PCID2: variants seen among roughly 807,000 people sequenced by gnomAD.
PCID2 encodes PCI domain-containing protein 2.
PCID2 carries 41 observed loss-of-function variants against 61.3 expected under a neutral mutation model. The observed-to-expected ratio is 0.67, with a 90% CI of 0.52 to 0.87. The LOEUF is 0.87. PCID2 is among the 40% of genes least tolerant of loss of function. PCID2 has a pLI of 0.00. For missense variants in PCID2, 392 were observed against 493.4 expected, an observed-to-expected ratio of 0.79 and a Z score of 1.95; for synonymous variants, 187 against 177.8, an observed-to-expected ratio of 1.05 and a Z score of -0.41.
chr13:113,207,978 G>A (rs762113303), intron 1 of PCID2: 1 of 1,523,570 alleles, frequency 6.6e-7, no homozygotes. Flanking sequence ...AATATGCGTT[G>A]AATCTTTACA....
intron 9 of PCID2, 66 bp from the exon 10 acceptor site, chr13:113,181,296 A>G (rs904559539): frequency 3.5e-5 from 33 of 930,060 alleles, no homozygotes; most frequent in Admixed American, 1.1e-4. Context: ...TTCCTGCTCC[A>G]TTTTCTACCA....
chr13:113,171,790 C>T, the PCID2 span: 1 of 1,613,436 alleles, frequency 6.2e-7, no homozygotes, highest in Admixed American at 1.7e-5. This position sits in a 1 kb window ranked among gnomAD's most constrained non-coding sequence, Gnocchi z 5.1. Context: ...TCCCACGCAC[C>T]AGGGGCCTCC....
the PCID2 span, among the ~76,000 whole-genome samples, chr13:113,168,056 C>T: frequency 2.0e-5 from 3 of 152,288 alleles, no homozygotes; most frequent in East Asian, 5.8e-4. Flanking sequence ...GCAATCATGC[C>T]CCATTCCTCC....
At chr13:113,170,564 C>T in the PCID2 span, 75 of 1,255,004 alleles carry the variant, frequency 6.0e-5, 4 homozygotes, top group South Asian at 8.7e-4. Context: ...TATAAAACCA[C>T]ATTGGAAATA....
intron 1 of PCID2, 53 bp downstream of exon 1, chr13:113,208,546 G>A: frequency 1.9e-6 from 3 of 1,591,896 alleles, no homozygotes; most frequent in African/African-American, 1.3e-5. Flanking sequence ...GGGGACACAC[G>A]GAACACGCCG....
At chr13:113,196,665 C>T (rs565135189) in intron 4 of PCID2, among the ~76,000 whole-genome samples, 20 of 152,270 alleles carry the variant, frequency 1.3e-4, no homozygotes, top group Non-Finnish European at 2.2e-4. Flanking sequence ...GTGGTTAAAA[C>T]GAAAAGACAA....
chr13:113,183,998 T>A (rs2037877111), intron 9 of PCID2: 2 of 985,224 alleles, frequency 2.0e-6, no homozygotes, highest in African/African-American at 3.5e-5. Flanking sequence ...GTTGTCCTAA[T>A]CTCCATTTCC....
chr13:113,198,185 G>A lies in PCID2; in HGVS notation c.200+6C>T, dbSNP rs200455413. Reference sequence around the variant, plus strand: ...TGTGTGTTTTTCTTCCTCCCCAACAGATTACCTTAAATGAGCTGCAAACAT... The same window carrying A: ...TGTGTGTTTTTCTTCCTCCCCAACAAATTACCTTAAATGAGCTGCAAACAT... On this transcript the variant is annotated splice_donor_region_variant and intron_variant, in intron 3 of 13. Transcript: ENST00000337344. 683 of 1,587,762 alleles carry A rather than the reference G, an allele frequency of 4.3e-4. 5 individuals are homozygous for A. Among genetic ancestry groups the A allele is most frequent in the Middle Eastern group, 6.6e-4 (4 of 6,026 alleles).
chr13:113,168,398 T>C, the PCID2 span, among the ~76,000 whole-genome samples: 1 of 152,208 alleles, frequency 6.6e-6, no homozygotes, highest in African/African-American at 2.4e-5. Context: ...TTTGTTCATC[T>C]TCATCTATGA....
At chr13:113,185,337 C>A in intron 8 of PCID2, 148 bp downstream of exon 8, 1 of 633,994 alleles carries the variant, frequency 1.6e-6, no homozygotes. Context: ...AGTAGGCATT[C>A]AACAAATGTT....
downstream of PCID2, among the ~76,000 whole-genome samples, chr13:113,173,738 C>A (rs2037150382): frequency 1.3e-5 from 2 of 152,116 alleles, no homozygotes; most frequent in Admixed American, 6.5e-5. Flanking sequence ...ATTTTAAAGT[C>A]TTAGTGAAGT....
intron 3 of PCID2, among the ~76,000 whole-genome samples, 195 bp downstream of exon 3, chr13:113,197,996 A>G (rs1368456646): frequency 6.6e-6 from 1 of 152,124 alleles, no homozygotes; most frequent in Non-Finnish European, 1.5e-5. Context: ...ATACTGTGTG[A>G]TGTTAAAAAT....
chr13:113,207,937 G>A (rs1415799668), intron 1 of PCID2: 2 of 1,157,488 alleles, frequency 1.7e-6, no homozygotes, highest in Non-Finnish European at 2.6e-6. Flanking sequence ...CACAGTGCTG[G>A]TTCTGAAGAC....
intron 9 of PCID2, among the ~76,000 whole-genome samples, chr13:113,182,803 T>G (rs1015584529): frequency 1.3e-5 from 2 of 152,242 alleles, no homozygotes; most frequent in Non-Finnish European, 2.9e-5. Flanking sequence ...ATGCATTTTC[T>G]AATAGTTAAT....
At chr13:113,170,852 G>A in the PCID2 span, among the ~76,000 whole-genome samples, 257 of 151,966 alleles carry the variant, frequency 1.7e-3, 1 homozygote, top group African/African-American at 5.8e-3. Flanking sequence ...GAAGAATGGG[G>A]CTCGAATCCC....
At chr13:113,184,061 C>A (rs886416115) in intron 9 of PCID2, 1 of 948,892 alleles carries the variant, frequency 1.1e-6, no homozygotes, top group African/African-American at 1.8e-5. Flanking sequence ...ATAAAGAAAA[C>A]AATGATTTAC....
chr13:113,191,473 A>G (rs1053503993), intron 6 of PCID2, among the ~76,000 whole-genome samples: 1 of 152,242 alleles, frequency 6.6e-6, no homozygotes, highest in African/African-American at 2.4e-5. Context: ...TTCACAAACC[A>G]AATCTTTCTT....
At chr13:113,175,591 G>A (rs374210972), downstream of PCID2, among the ~76,000 whole-genome samples, 1 of 152,138 alleles carries the variant, frequency 6.6e-6, no homozygotes, top group Non-Finnish European at 1.5e-5. Context: ...ACAGATGCGC[G>A]CCCAAAGCCT....
rs1251216447 is a variant in PCID2, at chr13:113,197,212, T to C, written c.232A>G (p.Ile78Val). 2 of 1,613,848 alleles carry C rather than the reference T, an allele frequency of 1.2e-6. No individual in the cohort carries two copies. The highest frequency in any genetic ancestry group is 1.3e-5 in the African/African-American group (1 of 74,920). ...ACGGTCTGGCACTTGTATGCCTCTA[T>C]GAAGTCATGATTCCCCACTGCATAA... Reference protein sequence around the residue: ...CTYAVGNHDFIEAYKCQTVIV... With the variant: ...CTYAVGNHDFVEAYKCQTVIV... The change falls in exon 4 of 14, where the codon ATA (isoleucine) becomes GTA (valine). Residue 78 changes from isoleucine (I) to valine (V), a missense_variant. Transcript: ENST00000337344.
Sources: gnomAD v4.1 joint callset for allele counts (sites outside exome capture counted in the v4.1 genomes callset) on GRCh38, gnomAD v4.1.1 for gene constraint, Gnocchi (gnomAD v3.1) non-coding constraint, MANE v1.5 for transcripts, NCBI Gene and HGNC (gene_info 2026-07-23, HGNC 2026-07-21) for gene names.